Variants in IL5RA observed in about 807,000 individuals in gnomAD.
IL5RA encodes the protein interleukin 5 receptor subunit alpha, also known as interleukin-5 receptor subunit alpha.
A neutral mutation model predicts 50.0 loss-of-function variants in IL5RA; 49 were observed. That is an observed-to-expected ratio of 0.98 (90% CI 0.78 to 1.24). The LOEUF (loss-of-function observed/expected upper bound fraction) is 1.24, where lower values mean the gene tolerates loss of function less well. Ranked by LOEUF, IL5RA falls within the 50% of genes most tolerant of loss-of-function variation. The pLI is 0.00. For synonymous variants in IL5RA, 202 were observed against 174.0 expected, an observed-to-expected ratio of 1.16 and a Z score of -1.26; for missense variants, 600 against 500.4, an observed-to-expected ratio of 1.20 and a Z score of -1.90.
intron 9 of IL5RA, chr3:3,090,285 G>C (rs767226363): frequency 6.8e-7 from 1 of 1,466,018 alleles, no homozygotes; most frequent in South Asian, 1.2e-5. Context: ...TTATTTGTCT[G>C]GGGATACACA....
chr3:3,105,100 G>C (rs1478111087), intron 2 of IL5RA, 113 bp from the exon 3 acceptor site: 10 of 668,134 alleles, frequency 1.5e-5, no homozygotes, highest in Non-Finnish European at 2.7e-5. Context: ...GACATTTATG[G>C]CATATTTGTT....
At chr3:3,101,637 T>C in intron 5 of IL5RA, 55 bp downstream of exon 5, 1 of 1,570,162 alleles carries the variant, frequency 6.4e-7, no homozygotes. Flanking sequence ...TTTCTACTTT[T>C]CCATATTTGC....
In IL5RA at chr3:3,066,400, A is replaced by T. The variant is rs567822940; in HGVS notation, c.*3825T>A. 6.6e-6 allele frequency: 1 copy of T among 152,330 alleles called. No individual in the cohort carries two copies. The highest frequency in any genetic ancestry group is 1.9e-4 in the East Asian group (1 of 5,190). The allele number at this position is 152,330 out of a possible 1,614,324, so 9.4% of individuals were successfully genotyped here. On this transcript the variant is annotated 3_prime_UTR_variant, in exon 12 of 12. Coordinates refer to ENST00000446632, the MANE Select transcript of IL5RA (RefSeq NM_175726.4). ...ACATCTATTACCTACAAAACAGGAG[A>T]TAAGCATGATTGTCTTATAGTACAA...
At chr3:3,070,429 A>G in intron 11 of IL5RA, 118 bp from the exon 12 acceptor site, 1 of 650,472 alleles carries the variant, frequency 1.5e-6, no homozygotes, top group Non-Finnish European at 2.7e-6. Flanking sequence ...ATGTTCACAA[A>G]GAAGATGTGA....
chr3:3,093,356 A>G (rs1309456373), intron 8 of IL5RA, among the ~76,000 whole-genome samples: 1 of 152,216 alleles, frequency 6.6e-6, no homozygotes, highest in African/African-American at 2.4e-5. Flanking sequence ...TGATGGGCTA[A>G]ATACAGATAA....
chr3:3,074,361 C>G (rs1274338061), intron 11 of IL5RA, among the ~76,000 whole-genome samples: 1 of 152,120 alleles, frequency 6.6e-6, no homozygotes, highest in Non-Finnish European at 1.5e-5. Flanking sequence ...AGAGATTGTC[C>G]AAAGTCAGTT....
rs373198262 is a variant in IL5RA, at chr3:3,105,032, T to C, written c.-3-45A>G. The C allele has an allele frequency of 1.5e-5, 20 of 1,302,726 alleles. No homozygotes were observed. In the African/African-American group the frequency reaches 2.9e-4, roughly 19 times the overall value. The allele number at this position is 1,302,726 out of a possible 1,614,324, so 80.7% of individuals were successfully genotyped here. A position where few individuals can be genotyped will look rare whatever the true frequency, so the allele number is the denominator to read the frequency against. ...TACCAAAATCATCTTGTTGCTATTT[T>C]TAAGAAAAACTGATAGCTGCTTTCT... On this transcript the variant is annotated intron_variant, in intron 2 of 11. Coordinates refer to ENST00000446632, the MANE Select transcript of IL5RA (RefSeq NM_175726.4).
At chr3:3,090,889 T>A (rs1703068996) in intron 9 of IL5RA, among the ~76,000 whole-genome samples, 1 of 152,018 alleles carries the variant, frequency 6.6e-6, no homozygotes, top group South Asian at 2.1e-4. Flanking sequence ...GGGTATGAAT[T>A]TTCTATCTTC....
intron 9 of IL5RA, among the ~76,000 whole-genome samples, chr3:3,088,150 G>C (rs1227454838): frequency 6.6e-6 from 1 of 152,184 alleles, no homozygotes; most frequent in Admixed American, 6.5e-5. Context: ...TGGTAAGAGA[G>C]CTCTAAAGTG....
intron 9 of IL5RA, among the ~76,000 whole-genome samples, chr3:3,088,591 T>G (rs912424754): frequency 6.6e-6 from 1 of 152,360 alleles, no homozygotes; most frequent in South Asian, 2.1e-4. Context: ...GTCCTGAATA[T>G]CTAGTGCTTC....
chr3:3,086,550 T>TA (rs538091863), intron 9 of IL5RA, among the ~76,000 whole-genome samples: 187 of 145,118 alleles, frequency 1.3e-3, no homozygotes, highest in Admixed American at 4.2e-3. Context: ...GCTACTTCCA[T>TA]AAAAAAAAAA....
chr3:3,072,496 T>A (rs1214028774), intron 11 of IL5RA, among the ~76,000 whole-genome samples: 4 of 152,236 alleles, frequency 2.6e-5, no homozygotes, highest in Admixed American at 2.6e-4. Flanking sequence ...TACAATAAGC[T>A]TTTATACCAG....
chr3:3,072,577 T>G (rs1270015629), intron 11 of IL5RA, among the ~76,000 whole-genome samples: 2 of 152,172 alleles, frequency 1.3e-5, no homozygotes, highest in East Asian at 3.9e-4. Flanking sequence ...ATACCAGCAT[T>G]AAGATGTTCC....
At position 3,092,165 on chromosome 3, in the gene IL5RA, G is replaced by A; in HGVS notation, c.994+59C>T. ...CACGAGTGAACGGGTACGTTTCTGG[G>A]ATTACCTTTTTTGATCACAAGGAAG... On this transcript the variant is annotated intron_variant, in intron 9 of 11. Transcript: ENST00000446632. The surrounding 1 kb of genome is among the most constrained non-coding windows in gnomAD (Gnocchi z 4.2). The A allele has an allele frequency of 6.3e-7, 1 of 1,591,240 alleles. No homozygotes were observed. The highest frequency in any genetic ancestry group is 8.5e-7 in the Non-Finnish European group (1 of 1,170,652).
chr3:3,078,696 T>G (rs569744679), intron 9 of IL5RA, among the ~76,000 whole-genome samples: 1 of 152,280 alleles, frequency 6.6e-6, no homozygotes, highest in South Asian at 2.1e-4. Flanking sequence ...TAGCAGGGCA[T>G]GCTGGCTCAT....
In IL5RA at chr3:3,070,028, C is replaced by G; in HGVS notation, c.*197G>C. 1.9e-6 allele frequency: 1 copy of G among 520,852 alleles called. No individual in the cohort carries two copies. Among genetic ancestry groups the G allele is most frequent in the Non-Finnish European group, 3.5e-6 (1 of 289,702 alleles). The allele number at this position is 520,852 out of a possible 1,614,324, so 32.3% of individuals were successfully genotyped here. A position where few individuals can be genotyped will look rare whatever the true frequency, so the allele number is the denominator to read the frequency against. On this transcript the variant is annotated 3_prime_UTR_variant, in exon 12 of 12. Transcript: ENST00000446632. ...ATGCTTGGATGAGTCAACTTCCCTG[C>G]TGTAGGTGAGGCGATTTGGATGAAG... is the stretch of plus-strand genomic sequence containing the variant.
At chr3:3,090,640 C>T (rs1703053500) in intron 9 of IL5RA, among the ~76,000 whole-genome samples, 1 of 146,248 alleles carries the variant, frequency 6.8e-6, no homozygotes, top group Non-Finnish European at 1.5e-5. Flanking sequence ...GATCTCGGCT[C>T]ACTGCAAGCT....
At chr3:3,075,203 C>CTTTTTTTTTTTTT (rs10642608) in intron 10 of IL5RA, among the ~76,000 whole-genome samples, 18 of 69,936 alleles carry the variant, frequency 2.6e-4, no homozygotes, top group East Asian at 1.4e-3. Flanking sequence ...AGTTTACTTA[C>CTTTTTTTTTTTTT]TTTTTTTTTT....
chr3:3,079,249 G>A (rs1702586014), intron 9 of IL5RA, among the ~76,000 whole-genome samples: 1 of 152,126 alleles, frequency 6.6e-6, no homozygotes, highest in African/African-American at 2.4e-5. Flanking sequence ...TCCAGGCCTG[G>A]ATCTTAAACT....
Sources: gnomAD v4.1 joint callset for allele counts (sites outside exome capture counted in the v4.1 genomes callset) on GRCh38, gnomAD v4.1.1 for gene constraint, Gnocchi (gnomAD v3.1) non-coding constraint, MANE v1.5 for transcripts, NCBI Gene and HGNC (gene_info 2026-07-23, HGNC 2026-07-21) for gene names.